Variants in ETS1 observed in about 807,000 individuals in gnomAD.
ETS1 encodes protein C-ets-1.
Under a neutral mutation model 58.6 loss-of-function variants are expected in ETS1, and 15 were observed. The observed-to-expected ratio is 0.26, with a 90% CI of 0.17 to 0.39. ETS1 has a LOEUF of 0.39. Ranked by LOEUF, ETS1 falls within the 10% of genes least tolerant of loss-of-function variation. The pLI is 1.00. For synonymous variants in ETS1, 214 were observed against 218.2 expected (o/e 0.98, Z 0.17); for missense variants, 417 against 610.5 (o/e 0.68, Z 3.34).
intron 2 of ETS1, among the ~76,000 whole-genome samples, chr11:128,560,836 A>C (rs1864394053): frequency 6.6e-6 from 1 of 152,138 alleles, no homozygotes; most frequent in African/African-American, 2.4e-5. Context: ...ATGGGACAGA[A>C]TTAAGTACCA....
At chr11:128,509,896 G>A (rs1432447507) in intron 3 of ETS1, among the ~76,000 whole-genome samples, 36 of 152,164 alleles carry the variant, frequency 2.4e-4, no homozygotes, top group Non-Finnish European at 5.9e-5. Flanking sequence ...ACCTCAAAGG[G>A]TTGTTTAAAG....
intron 8 of ETS1, among the ~76,000 whole-genome samples, chr11:128,467,921 C>A (rs920059968): frequency 6.6e-6 from 1 of 152,126 alleles, no homozygotes; most frequent in African/African-American, 2.4e-5. Context: ...TCCCATGGCA[C>A]GGAGCCTCCA....
At chr11:128,512,291 G>A (rs1157749476) in intron 3 of ETS1, among the ~76,000 whole-genome samples, 2 of 152,044 alleles carry the variant, frequency 1.3e-5, no homozygotes, top group Non-Finnish European at 2.9e-5. Flanking sequence ...AAAATAAACA[G>A]AACATGAGGA....
At chr11:128,490,657 G>C in intron 3 of ETS1, 81 bp from the exon 4 acceptor site, 1 of 1,100,088 alleles carries the variant, frequency 9.1e-7, no homozygotes, top group Admixed American at 1.9e-5. Flanking sequence ...TGGGCTGTAA[G>C]AAGGCAAGCT....
At position 128,490,595 on chromosome 11, in the gene ETS1, T is replaced by C; in HGVS notation, c.215-19A>G. The C allele has an allele frequency of 1.9e-6, 3 of 1,598,634 alleles. No homozygotes were observed. The highest frequency in any genetic ancestry group is 2.6e-6 in the Non-Finnish European group (3 of 1,167,066). On this transcript the variant is annotated intron_variant, in intron 3 of 9. Coordinates refer to ENST00000392668, the MANE Select transcript of ETS1 (RefSeq NM_001143820.2). ...TCCATATCTGCATGAAAAAATTGCA[T>C]ATGAATAACAAAAATTACATAGGTA...
intron 2 of ETS1, among the ~76,000 whole-genome samples, chr11:128,568,422 C>G (rs964636904): frequency 6.6e-6 from 1 of 152,202 alleles, no homozygotes; most frequent in Non-Finnish European, 1.5e-5. Flanking sequence ...CGGGCTTGGG[C>G]TTGCAGAGGC....
chr11:128,462,487 G>A lies in ETS1; in HGVS notation c.1332C>T (p.Asn444=), dbSNP rs1591584762. 6.2e-7 allele frequency: 1 copy of A among 1,614,188 alleles called. No homozygotes were observed. The highest frequency in any genetic ancestry group is 8.5e-7 in the Non-Finnish European group (1 of 1,180,020). Residue 444 remains asparagine (N), a synonymous_variant, in exon 10 of 10, where the codon AAC becomes AAT. Coordinates refer to ENST00000392668, the MANE Select transcript of ETS1 (RefSeq NM_001143820.2). ...SRGLRYYYDK[N]IIHKTAGKRY... is the part of the protein sequence containing the mutation. ...GTTTCCCCGCTGTCTTGTGGATGAT[G>A]TTTTTGTCGTAATAGTAGCGTAGGC...
intron 7 of ETS1, among the ~76,000 whole-genome samples, chr11:128,481,104 G>T (rs1281048863): frequency 1.3e-5 from 2 of 152,090 alleles, no homozygotes; most frequent in Non-Finnish European, 2.9e-5. Flanking sequence ...TTTCCCAAGA[G>T]ATTTTTTAAA....
intron 3 of ETS1, among the ~76,000 whole-genome samples, chr11:128,502,294 G>A (rs1157037622): frequency 1.3e-5 from 2 of 152,150 alleles, no homozygotes; most frequent in African/African-American, 4.8e-5. Context: ...AAGCTTGCTT[G>A]CCTTCTGCTA....
At chr11:128,478,719 T>C (rs1417721754) in intron 8 of ETS1, among the ~76,000 whole-genome samples, 1 of 152,218 alleles carries the variant, frequency 6.6e-6, no homozygotes, top group Admixed American at 6.5e-5. Context: ...TCTAGTTCTT[T>C]AACCCCTAAC....
chr11:128,566,596 A>G (rs1264044430), intron 2 of ETS1, among the ~76,000 whole-genome samples: 1 of 152,032 alleles, frequency 6.6e-6, no homozygotes, highest in Non-Finnish European at 1.5e-5. Flanking sequence ...ATCCTGGCTA[A>G]CACAGTGAAA....
At chr11:128,542,118 C>T (rs1215191288) in intron 3 of ETS1, among the ~76,000 whole-genome samples, 1 of 152,156 alleles carries the variant, frequency 6.6e-6, no homozygotes, top group Non-Finnish European at 1.5e-5. Flanking sequence ...GATCACAGTA[C>T]CCCCTACACC....
chr11:128,565,330 G>A (rs1036190151), intron 2 of ETS1, among the ~76,000 whole-genome samples: 2 of 152,162 alleles, frequency 1.3e-5, no homozygotes, highest in African/African-American at 4.8e-5. Context: ...GCTGAGACGG[G>A]ACTCTCACCA....
intron 3 of ETS1, among the ~76,000 whole-genome samples, chr11:128,507,586 C>G (rs1375613894): frequency 6.6e-6 from 1 of 152,184 alleles, no homozygotes; most frequent in Non-Finnish European, 1.5e-5. Flanking sequence ...CAATCAGCAA[C>G]CAGCAAACCC....
intron 3 of ETS1, among the ~76,000 whole-genome samples, chr11:128,535,792 T>A (rs555849348): frequency 6.6e-6 from 1 of 152,332 alleles, no homozygotes; most frequent in South Asian, 2.1e-4. Flanking sequence ...TGTGTCTTTC[T>A]AATATTCATG....
intron 3 of ETS1, among the ~76,000 whole-genome samples, chr11:128,504,303 C>G (rs1863172241): frequency 1.3e-5 from 2 of 152,216 alleles, no homozygotes; most frequent in Non-Finnish European, 2.9e-5. Context: ...GAGTCCTCTC[C>G]TGGTGTGTTC....
chr11:128,538,800 G>C (rs1864012029), intron 3 of ETS1, among the ~76,000 whole-genome samples: 1 of 150,924 alleles, frequency 6.6e-6, no homozygotes, highest in Non-Finnish European at 1.5e-5. Context: ...ACCAAACCAG[G>C]TTTGAACTCA....
Position 128,573,078 on chromosome 11 carries a change from G to C in ETS1, c.53C>G (p.Pro18Arg). 1 of 1,604,754 alleles carries C rather than the reference G, an allele frequency of 6.2e-7. No homozygotes were observed. ...ACCACTCACCACCACTGCAGGACGA[G>C]GCGCTGAGTAAGGGACGGGGCTGCT... ...AGSSPVPYSA[P>R]RPAVVRQGPS... The change falls in exon 2 of 10, where the codon CCT becomes CGT. Residue 18 changes from proline to arginine, a missense_variant. Pro to Arg is a moderately radical substitution (Grantham distance 103, BLOSUM62 -2). Coordinates refer to ENST00000392668, the MANE Select transcript of ETS1 (RefSeq NM_001143820.2).
chr11:128,585,340 GAAGGAAGC>G (rs1565422251), intron 1 of ETS1, among the ~76,000 whole-genome samples: 67 of 130,436 alleles, frequency 5.1e-4, no homozygotes, highest in African/African-American at 1.5e-3. Flanking sequence ...AGCAAGGAAG[GAAGGAAGC>G]AAGGAAGGAA....
Sources: allele counts gnomAD v4.1 joint callset (sites outside exome capture counted in the v4.1 genomes callset), GRCh38; gene constraint gnomAD v4.1.1; transcripts MANE v1.5; gene names NCBI Gene and HGNC (gene_info 2026-07-23, HGNC 2026-07-21).